ZNF536: variants seen among roughly 807,000 people sequenced by gnomAD.
ZNF536 encodes the protein zinc finger protein 536.
ZNF536 carries 13 observed loss-of-function variants against 84.5 expected under a neutral mutation model. The observed-to-expected ratio is 0.15, with a 90% CI of 0.10 to 0.24. The LOEUF (loss-of-function observed/expected upper bound fraction) is 0.24, where lower values mean the gene tolerates loss of function less well. Among genes scored for constraint, ZNF536 ranks in the 10% least tolerant of loss-of-function variants. The pLI is 1.00. For missense variants in ZNF536, 1,536 were observed against 1,747.5 expected, an observed-to-expected ratio of 0.88 and a Z score of 2.16; for synonymous variants, 811 against 742.5, an observed-to-expected ratio of 1.09 and a Z score of -1.50.
chr19:30,301,027 G>C (rs1230987774), intron 2 of ZNF536, among the ~76,000 whole-genome samples: 1 of 152,220 alleles, frequency 6.6e-6, no homozygotes, highest in African/African-American at 2.4e-5. Context: ...TCCATAAAAT[G>C]CTGGATCATC....
chr19:30,318,070 G>A (rs779750894), intron 2 of ZNF536, among the ~76,000 whole-genome samples: 1 of 152,290 alleles, frequency 6.6e-6, no homozygotes, highest in Admixed American at 6.5e-5. Context: ...CTGGCAGAAC[G>A]GCCAAGTGTC....
At position 30,400,601 on chromosome 19, in the gene ZNF536, G is replaced by A. The variant is rs1013737036; in HGVS notation, c.-3+28045G>A. Among the ~76,000 whole-genome samples the A allele has an allele frequency of 3.9e-5, 6 of 151,976 alleles. No individual in the cohort carries two copies. The South Asian group carries it at 6.2e-4, about 16-fold the overall frequency. On this transcript the variant is annotated intron_variant, in intron 1 of 4. Transcript: ENST00000355537. ...TGTTGAGACAAGGTCTCACTTTGTC[G>A]CCCAGGCTGCAGTGCAGTGGTGCTG...
chr19:30,496,754 G>A (rs1039625460), intron 2 of ZNF536, among the ~76,000 whole-genome samples: 3 of 152,028 alleles, frequency 2.0e-5, no homozygotes, highest in African/African-American at 7.2e-5. Flanking sequence ...ATACAGGTGA[G>A]AGTGATGGTC....
intron 2 of ZNF536, among the ~76,000 whole-genome samples, chr19:30,517,075 T>C (rs987468307): frequency 1.3e-5 from 2 of 152,152 alleles, no homozygotes; most frequent in African/African-American, 4.8e-5. Flanking sequence ...CTGCCCTTCC[T>C]CCTGGGGCCT....
At chr19:30,701,978 C>G (rs962496339) in intron 1 of ZNF536, among the ~76,000 whole-genome samples, 1 of 152,156 alleles carries the variant, frequency 6.6e-6, no homozygotes, top group Non-Finnish European at 1.5e-5. Flanking sequence ...AGGGTGGTCA[C>G]CTCTTCTCTC....
chr19:30,584,926 T>C (rs1461760723), intron 1 of ZNF536, among the ~76,000 whole-genome samples: 2 of 151,930 alleles, frequency 1.3e-5, no homozygotes, highest in African/African-American at 4.8e-5. Context: ...CCAGACCCCC[T>C]CTCTACAAAA....
chr19:30,315,882 AC>A lies in ZNF536; in HGVS notation c.-120+31742del, dbSNP rs758695157. ...AGCCTACATAATGAGATCTTACTAT[AC>A]ATATTGTCCTGAGACTTACTTTTTT... On this transcript the variant is annotated intron_variant, in intron 2 of 5. Transcript: ENST00000585628. Among the ~76,000 whole-genome samples the A allele has an allele frequency of 1.1e-4, 17 of 152,302 alleles. No homozygotes were observed. The East Asian group carries it at 3.3e-3, about 29-fold the overall frequency.
At chr19:30,321,921 C>T (rs949671709) in intron 2 of ZNF536, among the ~76,000 whole-genome samples, 3 of 152,072 alleles carry the variant, frequency 2.0e-5, no homozygotes, top group South Asian at 4.2e-4. Flanking sequence ...GAATTATAGG[C>T]GTGCACCACC....
intron 1 of ZNF536, among the ~76,000 whole-genome samples, chr19:30,660,562 A>G (rs545803527): frequency 1.3e-5 from 2 of 152,380 alleles, no homozygotes; most frequent in East Asian, 1.9e-4. Flanking sequence ...ACTAATAAAT[A>G]TCTATCACCG....
At chr19:30,301,385 T>C (rs1009566614) in intron 2 of ZNF536, among the ~76,000 whole-genome samples, 1 of 152,194 alleles carries the variant, frequency 6.6e-6, no homozygotes, top group Non-Finnish European at 1.5e-5. Context: ...CGCTGTTGCT[T>C]TAGCTGTAAA....
At chr19:30,630,065 A>G (rs1280817799) in intron 1 of ZNF536, among the ~76,000 whole-genome samples, 1 of 152,222 alleles carries the variant, frequency 6.6e-6, no homozygotes, top group Admixed American at 6.5e-5. Flanking sequence ...TCTCTAGGGA[A>G]GAGAGGGTCA....
chr19:30,649,807 A>G (rs1479808170), intron 1 of ZNF536, among the ~76,000 whole-genome samples: 1 of 152,136 alleles, frequency 6.6e-6, no homozygotes, highest in Non-Finnish European at 1.5e-5. Flanking sequence ...CCACCTCTCC[A>G]ATTACACATA....
chr19:30,453,827 G>C (rs1487191369), intron 2 of ZNF536, among the ~76,000 whole-genome samples: 12 of 152,232 alleles, frequency 7.9e-5, no homozygotes. Context: ...CCACCCCCAA[G>C]AGAAAGTTGT....
At chr19:30,664,912 C>T (rs1306164425) in intron 1 of ZNF536, among the ~76,000 whole-genome samples, 1 of 152,222 alleles carries the variant, frequency 6.6e-6, no homozygotes, top group Non-Finnish European at 1.5e-5. Flanking sequence ...ACCACCCCAG[C>T]CTCTGTTTAT....
chr19:30,283,330 C>T (rs1048623884), intron 1 of ZNF536, among the ~76,000 whole-genome samples: 2 of 152,248 alleles, frequency 1.3e-5, no homozygotes, highest in Non-Finnish European at 2.9e-5. Flanking sequence ...CCTTGATTAC[C>T]CCCTAGCCAG....
downstream of ZNF536, among the ~76,000 whole-genome samples, chr19:30,561,703 T>C (rs760996980): frequency 6.6e-6 from 1 of 152,164 alleles, no homozygotes; most frequent in Non-Finnish European, 1.5e-5. Flanking sequence ...CTTCAAGGAT[T>C]GAAGGAGCCG....
chr19:30,609,491 G>T (rs1331452840), intron 1 of ZNF536, among the ~76,000 whole-genome samples: 1 of 152,160 alleles, frequency 6.6e-6, no homozygotes, highest in East Asian at 1.9e-4. Context: ...TTTGCAGCTG[G>T]CAAATGAAAT....
intron 1 of ZNF536, among the ~76,000 whole-genome samples, chr19:30,238,145 G>T (rs983020118): frequency 5.9e-5 from 9 of 152,190 alleles, no homozygotes; most frequent in African/African-American, 2.2e-4. Context: ...CTTATTACTT[G>T]TGTAATACAT....
chr19:30,382,510 A>T (rs931541774), intron 1 of ZNF536, among the ~76,000 whole-genome samples: 1 of 152,184 alleles, frequency 6.6e-6, no homozygotes, highest in African/African-American at 2.4e-5. Flanking sequence ...TTATTTAGGG[A>T]TACAGTTAAT....
Sources: gnomAD v4.1 joint callset for allele counts (sites outside exome capture counted in the v4.1 genomes callset) on GRCh38, gnomAD v4.1.1 for gene constraint, MANE v1.5 for transcripts, NCBI Gene and HGNC (gene_info 2026-07-23, HGNC 2026-07-21) for gene names.